LANCL2: variants seen among roughly 807,000 people sequenced by gnomAD.
LANCL2 encodes LanC like glutathione S-transferase 2, also known as lanC-like protein 2.
LANCL2 carries 33 observed loss-of-function variants against 56.9 expected under a neutral mutation model. That is an observed-to-expected ratio of 0.58 (90% CI 0.44 to 0.78). LANCL2 has a LOEUF of 0.78. LANCL2 is among the 30% of genes least tolerant of loss of function. The pLI is 0.00. For missense variants in LANCL2, 562 were observed against 580.2 expected (o/e 0.97, Z 0.32); for synonymous variants, 233 against 228.2 (o/e 1.02, Z -0.19).
intron 5 of LANCL2, among the ~76,000 whole-genome samples, chr7:55,404,157 T>C (rs1159415692): frequency 6.6e-6 from 1 of 152,238 alleles, no homozygotes; most frequent in Non-Finnish European, 1.5e-5. Context: ...TGTGCTTGGC[T>C]TGAGCATAAG....
At chr7:55,384,822 C>T (rs1177372130) in intron 1 of LANCL2, among the ~76,000 whole-genome samples, 1 of 152,130 alleles carries the variant, frequency 6.6e-6, no homozygotes, top group Admixed American at 6.5e-5. Context: ...AAATATCCTT[C>T]AAGAATGAAG....
chr7:55,409,000 GAAA>G (rs1007626269), intron 5 of LANCL2, among the ~76,000 whole-genome samples: 5 of 147,528 alleles, frequency 3.4e-5, no homozygotes, highest in Non-Finnish European at 7.5e-5. Flanking sequence ...AAAAAGAAAA[GAAA>G]AAAACAGGTT....
intron 5 of LANCL2, among the ~76,000 whole-genome samples, chr7:55,402,408 G>T (rs1237661401): frequency 1.7e-5 from 2 of 119,530 alleles, no homozygotes; most frequent in Non-Finnish European, 3.6e-5. Flanking sequence ...CGGACGGGGC[G>T]GCTGGCCGGG....
chr7:55,400,124 A>G lies in LANCL2; in HGVS notation c.678+20A>G, dbSNP rs201268693. The G allele has an allele frequency of 1.4e-3, 2,176 of 1,552,380 alleles. 12 individuals are homozygous for G. Among genetic ancestry groups the G allele is most frequent in the South Asian group, 7.6e-3 (618 of 80,938 alleles). On this transcript the variant is annotated intron_variant, in intron 4 of 8. Transcript: ENST00000254770. ...AAAGAGGTACTATGGGGTATGGGTA[A>G]CTATGGGCGTCTCTACCATTCAAAC...
chr7:55,425,208 C>T (rs367744809), intron 6 of LANCL2, 46 bp from the exon 7 acceptor site: 123 of 1,581,882 alleles, frequency 7.8e-5, no homozygotes, highest in Middle Eastern at 6.7e-4. Flanking sequence ...GCCAACTCAT[C>T]GTTGAAACTG....
chr7:55,426,563 A>G (rs778475149), intron 7 of LANCL2, among the ~76,000 whole-genome samples: 10 of 152,238 alleles, frequency 6.6e-5, no homozygotes, highest in Non-Finnish European at 1.2e-4. Context: ...ATGCACACAC[A>G]TCTGTGGCTC....
chr7:55,408,855 G>A (rs1042976779), intron 5 of LANCL2, among the ~76,000 whole-genome samples: 9 of 146,972 alleles, frequency 6.1e-5, no homozygotes, highest in East Asian at 2.2e-4. Flanking sequence ...AGTGGCATGC[G>A]CCTGTAGTCC....
chr7:55,393,762 T>G (rs776874111), intron 2 of LANCL2, among the ~76,000 whole-genome samples: 53 of 152,206 alleles, frequency 3.5e-4, no homozygotes, highest in Non-Finnish European at 8.8e-5. Flanking sequence ...TATTTCAAAC[T>G]TATAAACTTA....
rs1790283435 is a variant in LANCL2 at position 55,398,581 on chromosome 7, A to G, written c.481A>G (p.Ile161Val). Residue 161 changes from isoleucine (I) to valine (V), a missense_variant, in exon 3 of 9, where the codon ATT becomes GTT. By Grantham distance (29) the Ile-to-Val change is conservative (BLOSUM62 3). This residue lies in a region of LANCL2 where 378 missense variants were observed against 468.4 expected (regional missense o/e 0.81). Transcript: ENST00000254770. ...TGGCCCCCTGGCTGTTGGAGCTGTGATTTATCACAAACTCAGAAGTGACTG... is the reference window on the plus strand; with the variant it reads ...TGGCCCCCTGGCTGTTGGAGCTGTGGTTTATCACAAACTCAGAAGTGACTG... ...DAGPLAVGAV[I>V]YHKLRSDCES... 1.2e-6 allele frequency: 2 copies of G among 1,614,010 alleles called. No individual in the cohort carries two copies. Among genetic ancestry groups the G allele is most frequent in the Admixed American group, 3.3e-5 (2 of 60,016 alleles).
intron 3 of LANCL2, among the ~76,000 whole-genome samples, chr7:55,398,836 A>G (rs1229833231): frequency 6.6e-6 from 1 of 152,186 alleles, no homozygotes; most frequent in Non-Finnish European, 1.5e-5. Context: ...AAGAATAAAT[A>G]TATTTCCTTA....
intron 6 of LANCL2, among the ~76,000 whole-genome samples, chr7:55,416,228 A>C (rs1033292100): frequency 6.6e-6 from 1 of 152,100 alleles, no homozygotes; most frequent in Non-Finnish European, 1.5e-5. Flanking sequence ...TTAATGTTGC[A>C]TGTGCTCATG....
rs1790281303 is a variant in LANCL2 at position 55,398,447 on chromosome 7, T to C, written c.347T>C (p.Leu116Ser). 1.2e-6 allele frequency: 2 copies of C among 1,614,032 alleles called. No individual in the cohort carries two copies. Among genetic ancestry groups the C allele is most frequent in the Non-Finnish European group, 8.5e-7 (1 of 1,179,996 alleles). Residue 116 changes from leucine to serine, a missense_variant, in exon 3 of 9, where the codon TTG becomes TCG. Physicochemically the swap from Leu to Ser is moderately radical, Grantham distance 145 (BLOSUM62 -2). Transcript: ENST00000254770. ...GGCATAGCCCTTTTGTACCTGCAGT[T>C]GTACCGGGTCACATGTGACCAAACC... The part of the protein sequence containing the change: ...WTGIALLYLQ[L>S]YRVTCDQTYL...
intron 1 of LANCL2, among the ~76,000 whole-genome samples, chr7:55,376,528 A>G (rs1412365052): frequency 6.6e-6 from 1 of 152,210 alleles, no homozygotes; most frequent in Non-Finnish European, 1.5e-5. Flanking sequence ...ACGGGCTCAC[A>G]GTGGTCATCG....
At chr7:55,381,118 AC>A (rs1790063739) in intron 1 of LANCL2, among the ~76,000 whole-genome samples, 1 of 151,754 alleles carries the variant, frequency 6.6e-6, no homozygotes, top group Non-Finnish European at 1.5e-5. Context: ...TGTTCTACCC[AC>A]CCTGGTTTCC....
intron 6 of LANCL2, among the ~76,000 whole-genome samples, chr7:55,418,297 C>T (rs1016262858): frequency 1.3e-5 from 2 of 151,490 alleles, no homozygotes; most frequent in African/African-American, 2.4e-5. Context: ...ATCCTCCTGA[C>T]TTAGCTGAGT....
Position 55,409,181 on chromosome 7 carries a change from C to T in LANCL2, c.826-2726C>T, listed in dbSNP as rs1164121386. 8.6e-5 allele frequency among the ~76,000 whole-genome samples: 13 copies of T among 150,712 alleles called. No individual in the cohort carries two copies. The South Asian group carries it at 1.9e-3, about 22-fold the overall frequency. ...TCGGCTCACTGCAAGCTCTGCCTCC[C>T]GGGTTCATGCCATTCTCCTGCCTCA... On this transcript the variant is annotated intron_variant, in intron 5 of 8. Transcript: ENST00000254770.
intron 6 of LANCL2, among the ~76,000 whole-genome samples, chr7:55,415,525 C>T (rs1270461517): frequency 6.6e-6 from 1 of 151,778 alleles, no homozygotes; most frequent in Non-Finnish European, 1.5e-5. Context: ...TTTTTTTAAG[C>T]TATACTTTTT....
At chr7:55,412,495 C>T (rs1245259228) in intron 6 of LANCL2, among the ~76,000 whole-genome samples, 1 of 152,030 alleles carries the variant, frequency 6.6e-6, no homozygotes, top group Non-Finnish European at 1.5e-5. Context: ...TATGATTGTC[C>T]AAGAACTTTT....
intron 1 of LANCL2, 141 bp downstream of exon 1, chr7:55,366,370 G>C: frequency 2.9e-6 from 2 of 685,978 alleles, no homozygotes; most frequent in Admixed American, 3.9e-5. Flanking sequence ...CTGTCTCCGG[G>C]CCTTCCCGAT....
Sources: gnomAD v4.1 joint callset for allele counts (sites outside exome capture counted in the v4.1 genomes callset) on GRCh38, gnomAD v4.1.1 for gene constraint, gnomAD v4.1.1 regional missense constraint, MANE v1.5 for transcripts, NCBI Gene and HGNC (gene_info 2026-07-23, HGNC 2026-07-21) for gene names.